Variants in DIAPH2 observed in about 807,000 individuals in gnomAD.
DIAPH2 encodes protein diaphanous homolog 2.
Under a neutral mutation model 92.7 loss-of-function variants are expected in DIAPH2, and 35 were observed. That is an observed-to-expected ratio of 0.38 (90% CI 0.29 to 0.50). The LOEUF (loss-of-function observed/expected upper bound fraction) is 0.50. DIAPH2 is among the 20% of genes least tolerant of loss of function. The pLI is 0.94. For missense variants in DIAPH2, 701 were observed against 819.5 expected (o/e 0.86, Z 1.77); for synonymous variants, 301 against 280.4 (o/e 1.07, Z -0.73).
At chrX:97,041,361 T>G (rs2066447359) in intron 17 of DIAPH2, among the ~76,000 whole-genome samples, 1 of 111,546 alleles carries the variant, frequency 9.0e-6, no homozygotes, top group Non-Finnish European at 1.9e-5. Context: ...AAAATAGGAG[T>G]AGCATGTTCC....
rs1209842326 is a variant in DIAPH2 at position 97,525,684 on chromosome X, A to G, written c.3242-73569A>G. ...ACAAAGGGTAGCCTTGAGGTACAGT[A>G]TAAGTATATCAAAGAATACAATATT... On this transcript the variant is annotated intron_variant, in intron 26 of 26. Transcript: ENST00000324765. Among the ~76,000 whole-genome samples the G allele has an allele frequency of 2.7e-5, 3 of 112,630 alleles. No individual in the cohort carries two copies. The East Asian group carries it at 8.3e-4, about 31-fold the overall frequency.
intron 26 of DIAPH2, among the ~76,000 whole-genome samples, chrX:97,530,399 CTT>C (rs2071051742): frequency 8.9e-6 from 1 of 111,814 alleles, no homozygotes; most frequent in South Asian, 3.8e-4. Flanking sequence ...ATTTGGGACT[CTT>C]AAAGAACCTA....
At chrX:97,149,965 A>T (rs10127093) in intron 22 of DIAPH2, among the ~76,000 whole-genome samples, 52,369 of 108,881 alleles carry the variant, frequency 0.48, 9,171 homozygotes, top group Non-Finnish European at 0.55. Flanking sequence ...TGTCTTTAAA[A>T]TAAGAGAAAA....
At chrX:97,188,208 T>A (rs2067623819) in intron 22 of DIAPH2, among the ~76,000 whole-genome samples, 1 of 112,257 alleles carries the variant, frequency 8.9e-6, no homozygotes, top group Admixed American at 9.5e-5. Context: ...CCAAAATCTG[T>A]GCTTTATCTC....
At chrX:96,926,763 T>C (rs1358408194) in intron 9 of DIAPH2, among the ~76,000 whole-genome samples, 1 of 111,643 alleles carries the variant, frequency 9.0e-6, no homozygotes, top group African/African-American at 3.2e-5. Flanking sequence ...TGAAATCTTA[T>C]GACATCACTG....
At chrX:97,257,190 G>A (rs189868036) in intron 23 of DIAPH2, among the ~76,000 whole-genome samples, 16 of 111,576 alleles carry the variant, frequency 1.4e-4, no homozygotes, top group Admixed American at 3.8e-4. Context: ...TTTAATAATA[G>A]GATTGTATGT....
chrX:96,945,434 A>G (rs2065732322), intron 13 of DIAPH2, 93 bp from the exon 14 acceptor site: 2 of 557,913 alleles, frequency 3.6e-6, no homozygotes, highest in Non-Finnish European at 5.9e-6. Flanking sequence ...CATAAAAATG[A>G]TAGTCTGCAT....
At chrX:97,414,022 T>A (rs752144224) in intron 25 of DIAPH2, among the ~76,000 whole-genome samples, 1 of 111,890 alleles carries the variant, frequency 8.9e-6, no homozygotes, top group Non-Finnish European at 1.9e-5. Flanking sequence ...AAACTACCAA[T>A]GACTTCCTTC....
chrX:97,137,300 T>TATATATATAG (rs1555989249), intron 21 of DIAPH2, among the ~76,000 whole-genome samples: 4 of 96,871 alleles, frequency 4.1e-5, no homozygotes, highest in Non-Finnish European at 8.2e-5. Context: ...TATATATATA[T>TATATATATAG]ATGTATAGAA....
At chrX:96,897,767 C>T (rs1342932405) in intron 5 of DIAPH2, among the ~76,000 whole-genome samples, 4 of 101,754 alleles carry the variant, frequency 3.9e-5, no homozygotes, top group Non-Finnish European at 8.0e-5. Flanking sequence ...GGTACATGTG[C>T]ACAATGTGCA....
At chrX:96,962,370 T>A (rs201244800) in intron 16 of DIAPH2, among the ~76,000 whole-genome samples, 1 of 51,670 alleles carries the variant, frequency 1.9e-5, no homozygotes, top group East Asian at 4.7e-4. Flanking sequence ...TATATACACA[T>A]ATATATATAC....
At chrX:97,018,691 C>G (rs894126857) in intron 17 of DIAPH2, among the ~76,000 whole-genome samples, 1 of 111,902 alleles carries the variant, frequency 8.9e-6, no homozygotes, top group African/African-American at 3.2e-5. Context: ...TGCTCATCTC[C>G]TCCCTGCTCT....
intron 22 of DIAPH2, among the ~76,000 whole-genome samples, chrX:97,235,718 G>T (rs2147532561): frequency 9.2e-6 from 1 of 108,413 alleles, no homozygotes; most frequent in East Asian, 2.9e-4. Context: ...TGTCCTACAA[G>T]ACCCTACCTA....
In DIAPH2 at chrX:97,178,307, C is replaced by T. The variant is rs1403125239; in HGVS notation, c.2719+36513C>T. 4.5e-5 allele frequency among the ~76,000 whole-genome samples: 5 copies of T among 109,980 alleles called. No homozygotes were observed. In the South Asian group the frequency reaches 1.2e-3, roughly 26 times the overall value. ...CACAGAAAATAGAAAACGGTATTAG[C>T]GTTTTAAGATATGGAAAAAAAGATA... is the stretch of plus-strand genomic sequence containing the variant. On this transcript the variant is annotated intron_variant, in intron 22 of 26. Coordinates refer to ENST00000324765, the MANE Select transcript of DIAPH2 (RefSeq NM_006729.5).
At chrX:97,542,015 T>TC (rs2071144096) in intron 26 of DIAPH2, among the ~76,000 whole-genome samples, 2 of 112,393 alleles carry the variant, frequency 1.8e-5, no homozygotes, top group Non-Finnish European at 3.8e-5. Context: ...TACTGAAATC[T>TC]CCTAATACAA....
intron 4 of DIAPH2, among the ~76,000 whole-genome samples, chrX:96,836,585 GA>G (rs1206037745): frequency 3.0e-5 from 3 of 100,315 alleles, no homozygotes; most frequent in African/African-American, 1.1e-4. Flanking sequence ...TTACAGAATA[GA>G]AAAAAGAAAA....
At position 97,576,444 on chromosome X, in the gene DIAPH2, G is replaced by T. The variant is rs1196894175; in HGVS notation, c.3242-22809G>T. 2.7e-5 allele frequency among the ~76,000 whole-genome samples: 3 copies of T among 111,676 alleles called. No individual in the cohort carries two copies. In the East Asian group the frequency reaches 8.4e-4, roughly 31 times the overall value. The stretch of plus-strand genomic sequence containing the variant: ...GGATAGTAGCATAGAAACAGAGAAA[G>T]ATTAAAGAAATAATTTGAGAATGAA... On this transcript the variant is annotated intron_variant, in intron 26 of 26. Transcript: ENST00000324765.
chrX:97,175,647 T>G (rs2067486086), intron 22 of DIAPH2, among the ~76,000 whole-genome samples: 2 of 112,029 alleles, frequency 1.8e-5, no homozygotes, highest in Non-Finnish European at 3.8e-5. Flanking sequence ...TGTATTAAAG[T>G]ACTGGTTGTG....
At chrX:97,457,806 A>T (rs151176501) in intron 26 of DIAPH2, among the ~76,000 whole-genome samples, 1,904 of 112,221 alleles carry the variant, frequency 0.017, 46 homozygotes, top group African/African-American at 0.059. Flanking sequence ...TCAAGGGAGC[A>T]TGTTTGCTCC....
Sources: gnomAD v4.1 joint callset for allele counts (sites outside exome capture counted in the v4.1 genomes callset) on GRCh38, gnomAD v4.1.1 for gene constraint, MANE v1.5 for transcripts, NCBI Gene and HGNC (gene_info 2026-07-23, HGNC 2026-07-21) for gene names.